Variants in SEMA5A observed in about 807,000 individuals in gnomAD.
The protein encoded by SEMA5A is semaphorin-5A.
A neutral mutation model predicts 135.5 loss-of-function variants in SEMA5A; 55 were observed. The ratio of observed to expected loss-of-function variants is 0.41; its 90% CI spans 0.33 to 0.51. The LOEUF (loss-of-function observed/expected upper bound fraction) is 0.51. Among genes scored for constraint, SEMA5A ranks in the 20% least tolerant of loss-of-function variants. SEMA5A has a pLI of 0.37. For missense variants in SEMA5A, 1,290 were observed against 1,419.9 expected, an observed-to-expected ratio of 0.91 and a Z score of 1.47; for synonymous variants, 580 against 546.5, an observed-to-expected ratio of 1.06 and a Z score of -0.85.
chr5:9,173,237 A>G (rs1744021258), intron 11 of SEMA5A, among the ~76,000 whole-genome samples: 1 of 150,934 alleles, frequency 6.6e-6, no homozygotes, highest in Non-Finnish European at 1.5e-5. Context: ...CACTTACTAC[A>G]GTCAGAAAAT....
chr5:9,447,692 T>G (rs1758485214), intron 1 of SEMA5A, among the ~76,000 whole-genome samples: 1 of 152,166 alleles, frequency 6.6e-6, no homozygotes, highest in Non-Finnish European at 1.5e-5. Context: ...TCAATATAAA[T>G]TAGTGATTAA....
intron 1 of SEMA5A, among the ~76,000 whole-genome samples, chr5:9,474,422 C>G (rs895517576): frequency 6.6e-6 from 1 of 151,208 alleles, no homozygotes; most frequent in Non-Finnish European, 1.5e-5. Context: ...GCCTTCCCAC[C>G]AGGAAACAGG....
At chr5:9,082,969 T>G (rs1211359124) in intron 16 of SEMA5A, among the ~76,000 whole-genome samples, 1 of 152,260 alleles carries the variant, frequency 6.6e-6, no homozygotes, top group African/African-American at 2.4e-5. Flanking sequence ...AAAATTATCT[T>G]CTAAATATGA....
chr5:9,376,307 C>T (rs17196635), intron 3 of SEMA5A, among the ~76,000 whole-genome samples: 3,890 of 152,298 alleles, frequency 0.026, 65 homozygotes, highest in Middle Eastern at 0.092. Flanking sequence ...GTGCGTGAGG[C>T]TTGCCAGGAC....
At chr5:9,321,130 C>T (rs1013204411) in intron 4 of SEMA5A, among the ~76,000 whole-genome samples, 2 of 152,092 alleles carry the variant, frequency 1.3e-5, no homozygotes, top group Admixed American at 6.5e-5. Flanking sequence ...TGGCATTTCC[C>T]CTGCTTGCAT....
chr5:9,101,644 A>G (rs1282280602), intron 16 of SEMA5A, among the ~76,000 whole-genome samples: 1 of 152,240 alleles, frequency 6.6e-6, no homozygotes, highest in Non-Finnish European at 1.5e-5. Flanking sequence ...TTCATGAGCA[A>G]TGGATAAACT....
rs139686344 is a variant in SEMA5A, at chr5:9,145,889, C to T, written c.1481+8599G>A. ...TGAACTCTTGACCTCAAGCAATCCA[C>T]CCTCCTTGGCCTCCCAAAGTGCTGG... On this transcript the variant is annotated intron_variant, in intron 12 of 22. Transcript: ENST00000382496. 1.3e-4 allele frequency among the ~76,000 whole-genome samples: 20 copies of T among 151,744 alleles called. No homozygotes were observed. The East Asian group carries it at 3.1e-3, about 24-fold the overall frequency.
rs268540 is a variant in SEMA5A, at chr5:9,457,941, T to C, written c.-174-20089A>G. 5.7e-3 allele frequency among the ~76,000 whole-genome samples: 710 copies of C among 124,208 alleles called. 11 individuals are homozygous for C. Among genetic ancestry groups the C allele is most frequent in the African/African-American group, 0.021 (671 of 32,654 alleles). 81.5% of individuals were successfully genotyped at this position (124,208 alleles called of 152,430 possible). Reference sequence around the variant, plus strand: ...TTTTTTTTTTGAGACAGAGTCTCGCTCTGTCACCCAGGATGGAGTGCAGTG... The same window carrying C: ...TTTTTTTTTTGAGACAGAGTCTCGCCCTGTCACCCAGGATGGAGTGCAGTG... On this transcript the variant is annotated intron_variant, in intron 1 of 22. Coordinates refer to ENST00000382496, the MANE Select transcript of SEMA5A (RefSeq NM_003966.3).
intron 1 of SEMA5A, among the ~76,000 whole-genome samples, chr5:9,513,076 T>TAC (rs1736303463): frequency 6.8e-6 from 1 of 147,710 alleles, no homozygotes; most frequent in Admixed American, 6.8e-5. Flanking sequence ...ATAATATATA[T>TAC]ATATATATAT....
chr5:9,431,555 A>G (rs1217398899), intron 2 of SEMA5A, among the ~76,000 whole-genome samples: 3 of 152,146 alleles, frequency 2.0e-5, no homozygotes, highest in African/African-American at 7.2e-5. Context: ...GCTTTCCTAG[A>G]TAAAGCATGA....
chr5:9,425,831 C>G (rs1289140748), intron 2 of SEMA5A, among the ~76,000 whole-genome samples: 2 of 152,088 alleles, frequency 1.3e-5, no homozygotes, highest in Non-Finnish European at 2.9e-5. Flanking sequence ...CCTTGGGGAC[C>G]TTTAGAAAAT....
intron 14 of SEMA5A, among the ~76,000 whole-genome samples, chr5:9,121,126 G>A (rs1740793771): frequency 6.6e-6 from 1 of 152,110 alleles, no homozygotes; most frequent in African/African-American, 2.4e-5. Flanking sequence ...TATGGAACAT[G>A]TTTGTATATA....
chr5:9,093,896 A>T (rs1204703256), intron 16 of SEMA5A, among the ~76,000 whole-genome samples: 1 of 152,076 alleles, frequency 6.6e-6, no homozygotes, highest in Non-Finnish European at 1.5e-5. Flanking sequence ...CAGCCTGCAC[A>T]CAGAGACTTT....
At chr5:9,472,656 C>T (rs1272223625) in intron 1 of SEMA5A, among the ~76,000 whole-genome samples, 4 of 152,078 alleles carry the variant, frequency 2.6e-5, no homozygotes, top group African/African-American at 7.2e-5. Flanking sequence ...TCCAGATAGT[C>T]TCCTAATGTT....
chr5:9,376,625 C>T (rs194263), intron 3 of SEMA5A, among the ~76,000 whole-genome samples: 13,563 of 152,238 alleles, frequency 0.089, 702 homozygotes, highest in East Asian at 0.13. Flanking sequence ...AGGAACTGAG[C>T]ATCTTCTTGA....
At chr5:9,444,027 G>A (rs1453962483) in intron 1 of SEMA5A, among the ~76,000 whole-genome samples, 2 of 152,192 alleles carry the variant, frequency 1.3e-5, no homozygotes, top group Non-Finnish European at 2.9e-5. Flanking sequence ...GATCCATGGA[G>A]CAAGTCCATT....
In SEMA5A at chr5:9,348,841, C is replaced by T. The variant is rs373158929; in HGVS notation, c.125-11029G>A. 1.7e-3 allele frequency among the ~76,000 whole-genome samples: 260 copies of T among 152,282 alleles called. 11 individuals carry two copies. In the South Asian group the frequency reaches 0.053, roughly 31 times the overall value. The stretch of plus-strand genomic sequence containing the variant: ...GATAACGACAGAGATTGCAGAGGAA[C>T]GTGCCAGAGATTTCTTAGAGCCTTA... On this transcript the variant is annotated intron_variant, in intron 3 of 22. Coordinates refer to ENST00000382496, the MANE Select transcript of SEMA5A (RefSeq NM_003966.3).
rs558183369 is a variant in SEMA5A at position 9,520,179 on chromosome 5, C to T, written c.-175+25405G>A. Among the ~76,000 whole-genome samples the T allele has an allele frequency of 3.9e-5, 6 of 152,308 alleles. No homozygotes were observed. In the South Asian group the frequency reaches 8.3e-4, roughly 21 times the overall value. ...CATTCTCCAAGTGCTGTGACCTTTC[C>T]TCCTACAAATCATTCATCAGTCCAA... On this transcript the variant is annotated intron_variant, in intron 1 of 22. Transcript: ENST00000382496.
intron 3 of SEMA5A, among the ~76,000 whole-genome samples, chr5:9,344,020 G>A (rs372180400): frequency 2.6e-5 from 4 of 152,230 alleles, no homozygotes; most frequent in African/African-American, 9.6e-5. Context: ...TGCAAAACAC[G>A]TCATAAGGGA....
Sources: allele counts gnomAD v4.1 joint callset (sites outside exome capture counted in the v4.1 genomes callset), GRCh38; gene constraint gnomAD v4.1.1; transcripts MANE v1.5; gene names NCBI Gene and HGNC (gene_info 2026-07-23, HGNC 2026-07-21).